STPG2: variants seen among roughly 807,000 people sequenced by gnomAD.
The protein encoded by STPG2 is sperm-tail PG-rich repeat-containing protein 2.
Under a neutral mutation model 54.2 loss-of-function variants are expected in STPG2, and 56 were observed. The observed-to-expected ratio is 1.03, with a 90% CI of 0.83 to 1.29. The LOEUF (loss-of-function observed/expected upper bound fraction) is 1.29, where lower values mean the gene tolerates loss of function less well. STPG2 is among the 50% of genes most tolerant of loss of function. The probability of loss-of-function intolerance (pLI) is 0.00; values close to 1 mark genes in which losing one functional copy is unlikely to be tolerated. For missense variants in STPG2, 596 were observed against 544.9 expected (o/e 1.09, Z -0.93); for synonymous variants, 200 against 181.8 (o/e 1.10, Z -0.81).
intron 9 of STPG2, among the ~76,000 whole-genome samples, chr4:97,806,804 C>A (rs1311946543): frequency 2.0e-5 from 3 of 152,072 alleles, no homozygotes; most frequent in African/African-American, 4.8e-5. Context: ...CTTCTTAAGA[C>A]CTTCATAAAT....
intron 4 of STPG2, among the ~76,000 whole-genome samples, chr4:97,498,548 C>G (rs2148831659): frequency 6.6e-6 from 1 of 151,134 alleles, no homozygotes; most frequent in South Asian, 2.1e-4. Context: ...CATGATTATA[C>G]AGTTTAGGCA....
intron 10 of STPG2, among the ~76,000 whole-genome samples, chr4:97,698,091 G>A (rs1723643974): frequency 6.6e-6 from 1 of 151,912 alleles, no homozygotes; most frequent in Non-Finnish European, 1.5e-5. Flanking sequence ...AGCACCACTG[G>A]GTTAGGGTCT....
chr4:98,074,850 A>C (rs1156602935), intron 5 of STPG2, among the ~76,000 whole-genome samples: 1 of 152,146 alleles, frequency 6.6e-6, no homozygotes, highest in Admixed American at 6.5e-5. Flanking sequence ...CTTAATCACA[A>C]TTATCTTAAA....
Position 97,723,346 on chromosome 4 carries a change from A to G in STPG2, c.1205-10532T>C, listed in dbSNP as rs189832727. ...CTCCAAAAGGGGGGAGGGAGGGGTTAAGGGTAAAAATCTACTTATTGGATA... is the reference window on the plus strand; with the variant it reads ...CTCCAAAAGGGGGGAGGGAGGGGTTGAGGGTAAAAATCTACTTATTGGATA... On this transcript the variant is annotated intron_variant, in intron 9 of 10. Transcript: ENST00000295268. Among the ~76,000 whole-genome samples, 44 of 152,138 alleles carry G rather than the reference A, an allele frequency of 2.9e-4. No individual in the cohort carries two copies. The East Asian group carries it at 6.8e-3, about 23-fold the overall frequency.
At chr4:97,571,888 C>A (rs1732610262) in intron 10 of STPG2, among the ~76,000 whole-genome samples, 2 of 152,076 alleles carry the variant, frequency 1.3e-5, no homozygotes, top group Non-Finnish European at 2.9e-5. Flanking sequence ...GCTTTTTCTG[C>A]AAGTATATGT....
intron 4 of STPG2, among the ~76,000 whole-genome samples, chr4:97,534,031 T>C (rs1422162635): frequency 1.3e-5 from 2 of 152,158 alleles, no homozygotes; most frequent in South Asian, 2.1e-4. Flanking sequence ...ACAAGCAACA[T>C]ATGAGAGTTC....
intron 9 of STPG2, among the ~76,000 whole-genome samples, chr4:97,741,315 T>G: frequency 6.6e-6 from 1 of 152,188 alleles, no homozygotes; most frequent in East Asian, 1.9e-4. Context: ...AAGTACTTCA[T>G]GTCTAAAACA....
chr4:97,582,277 C>T (rs566680189), intron 10 of STPG2, among the ~76,000 whole-genome samples: 1 of 151,918 alleles, frequency 6.6e-6, no homozygotes, highest in Non-Finnish European at 1.5e-5. Flanking sequence ...TTGTCAAATA[C>T]GCGTTGTTGG....
chr4:97,692,158 C>T (rs866785908), intron 10 of STPG2, among the ~76,000 whole-genome samples: 13 of 152,086 alleles, frequency 8.5e-5, no homozygotes, highest in South Asian at 8.3e-4. Flanking sequence ...CACAAGCTCA[C>T]CAGCAGTGGA....
At chr4:98,131,129 C>A (rs1307260512) in intron 2 of STPG2, among the ~76,000 whole-genome samples, 1 of 151,700 alleles carries the variant, frequency 6.6e-6, no homozygotes, top group Non-Finnish European at 1.5e-5. Flanking sequence ...TATTTTTTCC[C>A]ATTCTTTTTA....
chr4:97,962,299 C>T (rs1733920111), intron 7 of STPG2, among the ~76,000 whole-genome samples: 2 of 152,028 alleles, frequency 1.3e-5, no homozygotes, highest in Admixed American at 1.3e-4. Flanking sequence ...TCACAAATCA[C>T]CACTAAAGAA....
At chr4:97,632,563 C>A (rs1363836521) in intron 10 of STPG2, among the ~76,000 whole-genome samples, 1 of 151,962 alleles carries the variant, frequency 6.6e-6, no homozygotes, top group African/African-American at 2.4e-5. Flanking sequence ...ATGTAATGTA[C>A]ATATACACCA....
chr4:97,635,877 C>T (rs1055277050), intron 10 of STPG2, among the ~76,000 whole-genome samples: 2 of 152,014 alleles, frequency 1.3e-5, no homozygotes, highest in Non-Finnish European at 2.9e-5. Flanking sequence ...CTTAGACTCC[C>T]ACACATTAAC....
intron 9 of STPG2, among the ~76,000 whole-genome samples, chr4:97,820,291 C>G (rs1362661515): frequency 6.6e-6 from 1 of 152,090 alleles, no homozygotes; most frequent in African/African-American, 2.4e-5. Flanking sequence ...CTCTCCCTCC[C>G]CTCCAGCCTC....
chr4:97,957,437 C>A (rs550247560), intron 7 of STPG2, among the ~76,000 whole-genome samples: 2 of 151,670 alleles, frequency 1.3e-5, no homozygotes, highest in African/African-American at 4.8e-5. Context: ...TTATGTTAAA[C>A]GACCAAACCT....
chr4:97,793,688 T>C (rs1442995530), intron 9 of STPG2, among the ~76,000 whole-genome samples: 1 of 151,946 alleles, frequency 6.6e-6, no homozygotes, highest in Non-Finnish European at 1.5e-5. Context: ...ATATATTATA[T>C]AAAATAATTT....
chr4:97,573,505 G>A (rs1309928758), intron 10 of STPG2, among the ~76,000 whole-genome samples: 1 of 151,554 alleles, frequency 6.6e-6, no homozygotes, highest in African/African-American at 2.4e-5. Context: ...TAGAAACAAG[G>A]ATTTATTATA....
chr4:97,631,983 A>G (rs1721297845), intron 10 of STPG2, among the ~76,000 whole-genome samples: 1 of 152,218 alleles, frequency 6.6e-6, no homozygotes, highest in Admixed American at 6.5e-5. Context: ...TGTCCATCAC[A>G]TGCAAAAACA....
chr4:98,027,125 T>C (rs1027602003), intron 5 of STPG2, among the ~76,000 whole-genome samples: 4 of 152,146 alleles, frequency 2.6e-5, no homozygotes, highest in African/African-American at 9.7e-5. Flanking sequence ...GGAAAGGCAA[T>C]TCCAAAGACA....
Sources: allele counts gnomAD v4.1 joint callset (sites outside exome capture counted in the v4.1 genomes callset), GRCh38; gene constraint gnomAD v4.1.1; transcripts MANE v1.5; gene names NCBI Gene and HGNC (gene_info 2026-07-23, HGNC 2026-07-21).